The following CA10 variants were observed in gnomAD, a reference collection of about 807,000 sequenced individuals.
CA10 encodes the protein carbonic anhydrase-related protein 10.
Under a neutral mutation model 44.2 loss-of-function variants are expected in CA10, and 14 were observed. The ratio of observed to expected loss-of-function variants is 0.32; its 90% CI spans 0.21 to 0.50. CA10 has a LOEUF of 0.50. Among genes scored for constraint, CA10 ranks in the 20% least tolerant of loss-of-function variants. The pLI, the probability that CA10 is intolerant of heterozygous loss-of-function variation, is 0.99. For synonymous variants in CA10, 159 were observed against 141.6 expected, an observed-to-expected ratio of 1.12 and a Z score of -0.87; for missense variants, 350 against 409.7, an observed-to-expected ratio of 0.85 and a Z score of 1.26.
chr17:51,822,406 C>G (rs1176569483), intron 3 of CA10, among the ~76,000 whole-genome samples: 1 of 150,488 alleles, frequency 6.6e-6, no homozygotes, highest in Non-Finnish European at 1.5e-5. Flanking sequence ...CAGAGCAAGA[C>G]TTTGTCTCAA....
intron 2 of CA10, among the ~76,000 whole-genome samples, chr17:51,982,181 A>G (rs1484165541): frequency 6.6e-6 from 1 of 152,018 alleles, no homozygotes; most frequent in Non-Finnish European, 1.5e-5. Context: ...ATGCATAAAT[A>G]ATACAGGCAC....
At chr17:51,952,466 G>A (rs559139741) in intron 2 of CA10, among the ~76,000 whole-genome samples, 90 of 152,076 alleles carry the variant, frequency 5.9e-4, no homozygotes, top group African/African-American at 2.0e-3. Flanking sequence ...AAGATCACTT[G>A]AGCCCAGGAG....
chr17:52,072,463 A>T (rs1221471965), intron 1 of CA10, 70 bp from the exon 2 acceptor site: 1 of 1,120,544 alleles, frequency 8.9e-7, no homozygotes, highest in Non-Finnish European at 1.4e-6. Context: ...TGTCCGAGTA[A>T]GAAGGGTGAA....
At chr17:51,993,320 G>A (rs1178886106) in intron 2 of CA10, among the ~76,000 whole-genome samples, 2 of 152,050 alleles carry the variant, frequency 1.3e-5, no homozygotes, top group South Asian at 4.1e-4. Flanking sequence ...TACAGAATTC[G>A]CTCTGCTGGA....
intron 2 of CA10, among the ~76,000 whole-genome samples, chr17:51,936,452 G>C (rs1982869085): frequency 7.1e-6 from 1 of 140,038 alleles, no homozygotes; most frequent in Non-Finnish European, 1.6e-5. Context: ...ACTCTGGAAG[G>C]ACTGGGAAAG....
chr17:51,926,489 C>G (rs73987313), intron 3 of CA10, among the ~76,000 whole-genome samples: 11,761 of 152,214 alleles, frequency 0.077, 474 homozygotes, highest in South Asian at 0.092. Flanking sequence ...CAAGTGAACT[C>G]AAATTTATTA....
At chr17:51,721,278 A>T (rs763689627) in intron 4 of CA10, among the ~76,000 whole-genome samples, 4 of 152,118 alleles carry the variant, frequency 2.6e-5, no homozygotes, top group Non-Finnish European at 5.9e-5. Flanking sequence ...GTTGCGGTGA[A>T]CTGAGATCAT....
intron 4 of CA10, among the ~76,000 whole-genome samples, chr17:51,708,141 G>A (rs1042330738): frequency 1.3e-5 from 2 of 152,166 alleles, no homozygotes; most frequent in East Asian, 3.9e-4. Flanking sequence ...TTGAAGACCA[G>A]TGTATTATTT....
At chr17:51,677,889 C>G (rs966346013) in intron 4 of CA10, among the ~76,000 whole-genome samples, 2 of 35,744 alleles carry the variant, frequency 5.6e-5, no homozygotes, top group Non-Finnish European at 2.3e-4. Context: ...GTATACACCC[C>G]CCCCCCCACC....
chr17:51,801,991 T>C (rs927069707), intron 3 of CA10, among the ~76,000 whole-genome samples: 5 of 152,222 alleles, frequency 3.3e-5, no homozygotes, highest in Non-Finnish European at 7.4e-5. Context: ...GTGGTCTAGA[T>C]GCCTACAGTT....
intron 6 of CA10, among the ~76,000 whole-genome samples, chr17:51,641,520 C>T (rs1437368318): frequency 1.3e-5 from 2 of 152,100 alleles, no homozygotes; most frequent in African/African-American, 4.8e-5. Flanking sequence ...AAGGAGGACC[C>T]CTTGGATCTT....
chr17:51,881,688 G>A (rs1980383341), intron 3 of CA10, among the ~76,000 whole-genome samples: 1 of 152,172 alleles, frequency 6.6e-6, no homozygotes, highest in Non-Finnish European at 1.5e-5. Context: ...CTAACAAGGA[G>A]ACACAAATTC....
At chr17:51,868,476 A>G (rs141518409) in intron 3 of CA10, among the ~76,000 whole-genome samples, 141 of 152,240 alleles carry the variant, frequency 9.3e-4, no homozygotes, top group Non-Finnish European at 1.7e-3. Context: ...AGTGGTTAAG[A>G]TTACAAGATT....
At chr17:52,033,233 C>T (rs1001274073) in intron 2 of CA10, among the ~76,000 whole-genome samples, 3 of 152,070 alleles carry the variant, frequency 2.0e-5, no homozygotes, top group Non-Finnish European at 2.9e-5. Context: ...CCAATTTGAA[C>T]CCAGAGAAAA....
intron 1 of CA10, among the ~76,000 whole-genome samples, chr17:52,108,213 T>TATATATATAA (rs1988709875): frequency 5.6e-5 from 6 of 107,994 alleles, no homozygotes; most frequent in South Asian, 3.0e-4. Context: ...TATATATATA[T>TATATATATAA]ATATATATAT....
intron 3 of CA10, chr17:51,748,609 T>C: frequency 2.4e-6 from 1 of 411,578 alleles, no homozygotes; most frequent in Non-Finnish European, 3.3e-6. Flanking sequence ...CTTACTCTCT[T>C]GGGTTGACTT....
intron 3 of CA10, among the ~76,000 whole-genome samples, chr17:51,768,709 C>G (rs1052559642): frequency 7.9e-5 from 12 of 152,170 alleles, no homozygotes; most frequent in African/African-American, 2.4e-4. Context: ...TTATAGAAAA[C>G]TTTGCTTATG....
At chr17:51,925,343 G>A (rs1284431320) in intron 3 of CA10, among the ~76,000 whole-genome samples, 4 of 151,854 alleles carry the variant, frequency 2.6e-5, no homozygotes, top group Admixed American at 2.0e-4. Flanking sequence ...GTGAAAGTCT[G>A]CCAATTCATT....
At chr17:52,005,550 T>A (rs561403186) in intron 2 of CA10, among the ~76,000 whole-genome samples, 7 of 151,850 alleles carry the variant, frequency 4.6e-5, no homozygotes, top group Admixed American at 4.6e-4. Context: ...GGAAACACCA[T>A]GAGTGTTGCA....
Sources: gnomAD v4.1 joint callset for allele counts (sites outside exome capture counted in the v4.1 genomes callset) on GRCh38, gnomAD v4.1.1 for gene constraint, MANE v1.5 for transcripts, NCBI Gene and HGNC (gene_info 2026-07-23, HGNC 2026-07-21) for gene names.